The following EOGT variants were observed in gnomAD, a reference collection of about 807,000 sequenced individuals.
The protein encoded by EOGT is EGF domain-specific O-linked N-acetylglucosamine transferase.
EOGT carries 55 observed loss-of-function variants against 70.5 expected under a neutral mutation model. The ratio of observed to expected loss-of-function variants is 0.78; its 90% confidence interval spans 0.63 to 0.98. The LOEUF is 0.98. EOGT is among the 50% of genes least tolerant of loss of function. The pLI, the probability that EOGT is intolerant of heterozygous loss-of-function variation, is 0.00. For synonymous variants in EOGT, 246 were observed against 217.1 expected (o/e 1.13, Z -1.17); for missense variants, 703 against 641.9 (o/e 1.10, Z -1.03).
chr3:69,001,744 A>C, intron 8 of EOGT, 30 bp from the exon 9 acceptor site: 2 of 1,456,790 alleles, frequency 1.4e-6, no homozygotes, highest in Non-Finnish European at 1.9e-6. Flanking sequence ...CATGACTTCA[A>C]ACTGATTCTC....
chr3:69,013,396 G>A (rs544704685), intron 1 of EOGT, among the ~76,000 whole-genome samples, 178 bp downstream of exon 1: 4 of 151,982 alleles, frequency 2.6e-5, no homozygotes, highest in African/African-American at 9.7e-5. Context: ...ATCGGCTTCC[G>A]ACGCCCGCCT....
At chr3:69,000,450 G>A (rs539553033) in intron 9 of EOGT, among the ~76,000 whole-genome samples, 31 of 152,070 alleles carry the variant, frequency 2.0e-4, no homozygotes, top group Non-Finnish European at 4.4e-4. Flanking sequence ...TTTTAAAAAC[G>A]AGTCAAAACC....
intron 10 of EOGT, among the ~76,000 whole-genome samples, chr3:68,993,945 C>G (rs2091070833): frequency 6.6e-6 from 1 of 152,128 alleles, no homozygotes; most frequent in Non-Finnish European, 1.5e-5. Context: ...ATTACCTCCC[C>G]CTGGGTCCCT....
At chr3:68,997,883 A>G in intron 10 of EOGT, 128 bp downstream of exon 10, 1 of 620,332 alleles carries the variant, frequency 1.6e-6, no homozygotes, top group Non-Finnish European at 2.9e-6. Context: ...ATTCGCACCC[A>G]TCCGCATTAT....
At position 68,988,869 on chromosome 3, in the gene EOGT, G is replaced by A. The variant is rs1040075606; in HGVS notation, c.924+56C>T. The A allele has an allele frequency of 3.3e-6, 3 of 905,436 alleles. No individual in the cohort carries two copies. The Admixed American group carries it at 8.0e-5, about 24-fold the overall frequency. The allele number at this position is 905,436 out of a possible 1,614,324, so 56.1% of individuals were successfully genotyped here. A position where few individuals can be genotyped will look rare whatever the true frequency, so the allele number is the denominator to read the frequency against. ...CTCATAATAAATGTTTATTTTATGA[G>A]TGAGTCATCTGCACTCAAGAAATAT... On this transcript the variant is annotated intron_variant, in intron 11 of 17. Transcript: ENST00000383701.
At chr3:69,013,162 TCCGGAC>T (rs2091617954) in intron 1 of EOGT, among the ~76,000 whole-genome samples, 1 of 151,916 alleles carries the variant, frequency 6.6e-6, no homozygotes. Context: ...GCGCTGGGGT[TCCGGAC>T]CCCGGGCGCC....
intron 15 of EOGT, among the ~76,000 whole-genome samples, chr3:68,982,219 T>A (rs909659957): frequency 5.9e-5 from 9 of 152,164 alleles, no homozygotes; most frequent in Admixed American, 2.6e-4. Flanking sequence ...TGCCAATTTT[T>A]TAAAATTATG....
Position 68,997,822 on chromosome 3 carries a change from C to A in EOGT, c.831+189G>T, listed in dbSNP as rs553624456. Among the ~76,000 whole-genome samples the A allele has an allele frequency of 1.2e-4, 18 of 152,368 alleles. No individual in the cohort carries two copies. The South Asian group carries it at 3.7e-3, about 32-fold the overall frequency. Reference sequence around the variant, plus strand: ...AAGAATGAAGGTACACACATACATACCTATCTGCCTATACGTATATGCACA... The same window carrying A: ...AAGAATGAAGGTACACACATACATAACTATCTGCCTATACGTATATGCACA... On this transcript the variant is annotated intron_variant, in intron 10 of 17. Transcript: ENST00000383701.
chr3:69,002,308 T>C (rs2091317436), intron 8 of EOGT, among the ~76,000 whole-genome samples: 1 of 152,162 alleles, frequency 6.6e-6, no homozygotes, highest in South Asian at 2.1e-4. Flanking sequence ...ATGTTTGTAT[T>C]TTAAGCTGCT....
chr3:69,013,177 C>T (rs917697858), intron 1 of EOGT, among the ~76,000 whole-genome samples: 4 of 152,048 alleles, frequency 2.6e-5, no homozygotes, highest in Non-Finnish European at 5.9e-5. Flanking sequence ...ACCCCGGGCG[C>T]CGCCAGGGAT....
chr3:69,001,674 G>A lies in EOGT; in HGVS notation c.661C>T (p.Pro221Ser). Reference sequence around the variant, plus strand: ...ATGTCACATTTAGCATCTTCTATAGGTCTGAAGTTGAGCTGAGTATAGCTT... The same window carrying A: ...ATGTCACATTTAGCATCTTCTATAGATCTGAAGTTGAGCTGAGTATAGCTT... Reference protein sequence around the residue: ...LQSYTQLNFRPIEDAKCDIVI... With the variant: ...LQSYTQLNFRSIEDAKCDIVI... Residue 221 changes from proline (P) to serine (S), a missense_variant, in exon 9 of 18, where the codon CCT (proline) becomes TCT (serine). By Grantham distance (74) the Pro-to-Ser change is moderately conservative. Coordinates refer to ENST00000383701, the MANE Select transcript of EOGT (RefSeq NM_001278689.2). The A allele has an allele frequency of 6.2e-7, 1 of 1,611,736 alleles. No individual in the cohort carries two copies. The highest frequency in any genetic ancestry group is 1.1e-5 in the South Asian group (1 of 90,462).
At chr3:68,991,092 A>T (rs1559597330) in intron 10 of EOGT, among the ~76,000 whole-genome samples, 2 of 152,208 alleles carry the variant, frequency 1.3e-5, no homozygotes, top group Non-Finnish European at 2.9e-5. Flanking sequence ...TTTGAAAGGA[A>T]ATTTTAATAA....
intron 13 of EOGT, 75 bp from the exon 14 acceptor site, chr3:68,987,588 T>C (rs1025396890): frequency 2.7e-6 from 3 of 1,118,310 alleles, no homozygotes; most frequent in Admixed American, 4.1e-5. Context: ...ACCCAAAATG[T>C]GATTTTCACA....
Position 69,011,606 on chromosome 3 carries a change from A to AC in EOGT, c.-15+329_-15+330insG, listed in dbSNP as rs1347179727. ...GGGAGACTCTGTCTCAAAAAAAAAA[A>AC]AAAACAAAGAAAGAAAGAAGAAAAG... On this transcript the variant is annotated intron_variant, in intron 3 of 17. Coordinates refer to ENST00000383701, the MANE Select transcript of EOGT (RefSeq NM_001278689.2). Among the ~76,000 whole-genome samples the AC allele has an allele frequency of 5.5e-3, 835 of 151,458 alleles. 10 individuals are homozygous for AC. Among genetic ancestry groups the AC allele is most frequent in the African/African-American group, 0.019 (782 of 41,282 alleles).
chr3:68,989,480 G>A (rs1290328658), intron 10 of EOGT, among the ~76,000 whole-genome samples: 1 of 152,046 alleles, frequency 6.6e-6, no homozygotes, highest in Non-Finnish European at 1.5e-5. Flanking sequence ...GGGTGCGGTG[G>A]CTCACAGCTG....
At chr3:68,992,919 C>G (rs750565467) in intron 10 of EOGT, among the ~76,000 whole-genome samples, 56 of 152,350 alleles carry the variant, frequency 3.7e-4, no homozygotes, top group Non-Finnish European at 7.5e-4. Context: ...CTGAGCTGTA[C>G]ATTGGCTCCT....
In EOGT at chr3:68,979,795, C is replaced by A; in HGVS notation, c.1215-8G>T. ...TCTAAAAACCCAAGTTCTCTGTGAA[C>A]ATACAGAATAACATGAGAGAGATGG... On this transcript the variant is annotated splice_region_variant and splice_polypyrimidine_tract_variant and intron_variant, in intron 15 of 17. Coordinates refer to ENST00000383701, the MANE Select transcript of EOGT (RefSeq NM_001278689.2). 6.2e-7 allele frequency: 1 copy of A among 1,612,192 alleles called. No homozygotes were observed. The highest frequency in any genetic ancestry group is 8.5e-7 in the Non-Finnish European group (1 of 1,178,642).
intron 16 of EOGT, among the ~76,000 whole-genome samples, chr3:68,978,986 T>A (rs2090554537): frequency 6.6e-6 from 1 of 152,160 alleles, no homozygotes; most frequent in East Asian, 1.9e-4. Flanking sequence ...GCATTGGAAG[T>A]TCATGACAAC....
At chr3:69,008,362 A>C (rs573754971) in intron 5 of EOGT, 66 bp downstream of exon 5, 2 of 1,077,620 alleles carry the variant, frequency 1.9e-6, no homozygotes, top group African/African-American at 3.2e-5. Context: ...GCTGGAAATT[A>C]GGGCATCAAC....
Sources: gnomAD v4.1 joint callset for allele counts (sites outside exome capture counted in the v4.1 genomes callset) on GRCh38, gnomAD v4.1.1 for gene constraint, MANE v1.5 for transcripts, NCBI Gene and HGNC (gene_info 2026-07-23, HGNC 2026-07-21) for gene names.